Variants in SEMA4A observed in about 807,000 individuals in gnomAD.
SEMA4A encodes the protein semaphorin-4A.
SEMA4A carries 52 observed loss-of-function variants against 72.5 expected under a neutral mutation model. The observed-to-expected ratio is 0.72, with a 90% CI of 0.57 to 0.90. The LOEUF (loss-of-function observed/expected upper bound fraction) is 0.90, where lower values mean the gene tolerates loss of function less well. Among genes scored for constraint, SEMA4A ranks in the 40% least tolerant of loss-of-function variants. SEMA4A has a pLI of 0.00. For missense variants in SEMA4A, 926 were observed against 959.7 expected (o/e 0.96, Z 0.46); for synonymous variants, 369 against 393.1 (o/e 0.94, Z 0.73).
chr1:156,162,888 A>G, intron 9 of SEMA4A, 56 bp from the exon 10 acceptor site: 1 of 1,608,844 alleles, frequency 6.2e-7, no homozygotes, highest in Non-Finnish European at 8.5e-7. Flanking sequence ...AGCGCTGGAG[A>G]GAGAGCTGCT....
Position 156,158,742 on chromosome 1 carries a change from G to A in SEMA4A, c.486G>A (p.Leu162=). 1 of 1,613,758 alleles carries A rather than the reference G, an allele frequency of 6.2e-7. No individual in the cohort carries two copies. The highest frequency in any genetic ancestry group is 1.7e-5 in the Admixed American group (1 of 59,988). The change falls in exon 6 of 15, where the codon TTG becomes TTA. Residue 162 remains leucine, a synonymous_variant. Transcript: ENST00000368285. ...TFIELQDSYL[L]PISEDKVMEG... ...AGGAACTTCAAGATTCCTACCTGTTGCCCATCTCGGAGGACAAGGTCATGG... is the reference window on the plus strand; with the variant it reads ...AGGAACTTCAAGATTCCTACCTGTTACCCATCTCGGAGGACAAGGTCATGG...
At chr1:156,161,146 C>A in intron 8 of SEMA4A, 117 bp downstream of exon 8, 1 of 481,220 alleles carries the variant, frequency 2.1e-6, no homozygotes, top group Non-Finnish European at 3.3e-6. Context: ...GGGGAACAAG[C>A]GGGCCTGGCG....
chr1:156,172,906 G>T lies in SEMA4A; in HGVS notation c.1215G>T (p.Thr405=), dbSNP rs151260330. 1,054 of 1,614,116 alleles carry T rather than the reference G, an allele frequency of 6.5e-4. No individual in the cohort carries two copies. Among genetic ancestry groups the T allele is most frequent in the Non-Finnish European group, 8.5e-4 (998 of 1,179,988 alleles). Residue 405 remains threonine, a synonymous_variant, in exon 11 of 15, where the codon ACG becomes ACT. Coordinates refer to ENST00000368285, the MANE Select transcript of SEMA4A (RefSeq NM_022367.4). ...TGATGGATGAGCAAGTGGTGGGGAC[G>T]CCCCTGCTGGTGAAATCTGGCGTGG... ...HFLMDEQVVG[T]PLLVKSGVEY...
intron 9 of SEMA4A, among the ~76,000 whole-genome samples, chr1:156,162,449 T>C (rs1426979355): frequency 6.6e-6 from 1 of 152,168 alleles, no homozygotes; most frequent in East Asian, 1.9e-4. Flanking sequence ...GCCTGGTGTA[T>C]ACAGTAGTCA....
At chr1:156,166,037 G>C (rs1402429721) in intron 10 of SEMA4A, among the ~76,000 whole-genome samples, 1 of 151,318 alleles carries the variant, frequency 6.6e-6, no homozygotes, top group East Asian at 2.0e-4. Flanking sequence ...TTCCCGAGTA[G>C]CTGGGACTAC....
intron 10 of SEMA4A, 90 bp downstream of exon 10, chr1:156,163,184 A>G (rs2102967990): frequency 5.6e-6 from 8 of 1,438,848 alleles, no homozygotes; most frequent in Non-Finnish European, 7.8e-6. Context: ...TGCCCAATAA[A>G]TGTTAGTGCT....
chr1:156,154,668 C>T lies in SEMA4A; in HGVS notation c.90C>T (p.Thr30=), dbSNP rs373565051. 5.0e-5 allele frequency: 80 copies of T among 1,602,556 alleles called. No individual in the cohort carries two copies. Among genetic ancestry groups the T allele is most frequent in the African/African-American group, 2.3e-4 (17 of 74,992 alleles). ...QLLQLLLPTT[T]AGGGGQGPMP... The stretch of plus-strand genomic sequence containing the variant: ...TTCAGCTGCTGCTGCCGACGACGAC[C>T]GCGGGGGGAGGCGGGCAGGGGCCCA... The change falls in exon 2 of 15, where the codon ACC becomes ACT. Residue 30 remains threonine, a synonymous_variant. Coordinates refer to ENST00000368285, the MANE Select transcript of SEMA4A (RefSeq NM_022367.4).
chr1:156,174,885 T>C lies in SEMA4A; in HGVS notation c.1379T>C (p.Ile460Thr). 1 of 1,614,160 alleles carries C rather than the reference T, an allele frequency of 6.2e-7. No homozygotes were observed. Among genetic ancestry groups the C allele is most frequent in the Non-Finnish European group, 8.5e-7 (1 of 1,180,020 alleles). Residue 460 changes from isoleucine (I) to threonine (T), a missense_variant, in exon 12 of 15, where the codon ATT becomes ACT. Transcript: ENST00000368285. ...AGCAGTGCTCATCTGGTGGAAGAGA[T>C]TCAGCTGTTCCCTGACCCTGAACCT... ...GDSSAHLVEE[I>T]QLFPDPEPVR...
chr1:156,147,953 C>T (rs759391259), upstream of SEMA4A, among the ~76,000 whole-genome samples: 1 of 152,220 alleles, frequency 6.6e-6, no homozygotes, highest in Non-Finnish European at 1.5e-5. Context: ...TATGTCCCTA[C>T]TCTCTCATCA....
chr1:156,173,054 T>C (rs1279718960), intron 11 of SEMA4A, 48 bp downstream of exon 11: 2 of 1,579,528 alleles, frequency 1.3e-6, no homozygotes, highest in Middle Eastern at 1.7e-4. Context: ...GAGCAGAGGA[T>C]GCCCCCAGGT....
In SEMA4A at chr1:156,158,387, GAC is replaced by G; in HGVS notation, c.367_368del (p.Gln123ValfsTer32). 6.2e-7 allele frequency: 1 copy of G among 1,612,860 alleles called. No individual in the cohort carries two copies. The highest frequency in any genetic ancestry group is 8.5e-7 in the Non-Finnish European group (1 of 1,178,850). ...AGACCTAAATTCTCTGTCTCCCTCA[GAC>G]ACAGTGTTTCAACTTCATCCGTGTC... ...ECAFKKKSNE[T>X]QCFNFIRVLV... On this transcript the variant is annotated frameshift_variant and splice_region_variant, in exon 5 of 15. Coordinates refer to ENST00000368285, the MANE Select transcript of SEMA4A (RefSeq NM_022367.4). LOFTEE classifies it high-confidence loss of function.
upstream of SEMA4A, among the ~76,000 whole-genome samples, chr1:156,152,649 T>A (rs1432794240): frequency 6.6e-6 from 1 of 151,936 alleles, no homozygotes; most frequent in Non-Finnish European, 1.5e-5. Flanking sequence ...CTGAGAGAGA[T>A]GAAAGAAGGC....
intron 10 of SEMA4A, among the ~76,000 whole-genome samples, chr1:156,167,475 CAA>C (rs58793729): frequency 0.081 from 8,347 of 103,538 alleles, 396 homozygotes; most frequent in African/African-American, 0.22. Context: ...GACCCTGTCT[CAA>C]AAAAAAAAAA....
rs763868907 is a variant in SEMA4A, at chr1:156,160,856, AG to A, written c.686-46del. The A allele has an allele frequency of 2.5e-6, 4 of 1,612,182 alleles. No homozygotes were observed. In the Admixed American group the frequency reaches 6.7e-5, roughly 27 times the overall value. On this transcript the variant is annotated intron_variant, in intron 7 of 14. Coordinates refer to ENST00000368285, the MANE Select transcript of SEMA4A (RefSeq NM_022367.4). ...CAACGGTTTTCACTCAGGCAAACCC[AG>A]GGCATGCAGGGGCTCAGTCCCTAAG...
intron 1 of SEMA4A, 114 bp from the exon 2 acceptor site, chr1:156,154,436 C>T: frequency 1.1e-6 from 1 of 951,082 alleles, no homozygotes; most frequent in South Asian, 1.4e-5. Flanking sequence ...CCCCAATGCC[C>T]CACCCCTGCC....
chr1:156,162,826 G>T, intron 9 of SEMA4A, 118 bp from the exon 10 acceptor site: 1 of 1,275,752 alleles, frequency 7.8e-7, no homozygotes, highest in Non-Finnish European at 1.1e-6. Context: ...GGTAGCTGGA[G>T]GCTGGCCCAG....
intron 7 of SEMA4A, 121 bp from the exon 8 acceptor site, chr1:156,160,784 C>A: frequency 6.9e-7 from 1 of 1,447,092 alleles, no homozygotes; most frequent in South Asian, 1.1e-5. Context: ...CCTCGACAAG[C>A]TGTGGGACCC....
chr1:156,158,516 C>T (rs200781681), intron 5 of SEMA4A, 30 bp downstream of exon 5: 11 of 1,534,890 alleles, frequency 7.2e-6, no homozygotes, highest in East Asian at 2.2e-5. Context: ...GCGCTCAGGC[C>T]CCCAAGCATC....
At chr1:156,172,117 T>C (rs932994936) in intron 10 of SEMA4A, among the ~76,000 whole-genome samples, 18 of 146,514 alleles carry the variant, frequency 1.2e-4, no homozygotes, top group Non-Finnish European at 2.2e-4. Flanking sequence ...TATTTATTTA[T>C]TTATTTATTT....
Sources: gnomAD v4.1 joint callset for allele counts (sites outside exome capture counted in the v4.1 genomes callset) on GRCh38, gnomAD v4.1.1 for gene constraint, MANE v1.5 for transcripts, NCBI Gene and HGNC (gene_info 2026-07-23, HGNC 2026-07-21) for gene names.